The following SLC37A1 variants were observed in gnomAD, a reference collection of about 807,000 sequenced individuals.
SLC37A1 encodes the protein solute carrier family 37 member 1.
A neutral mutation model predicts 75.3 loss-of-function variants in SLC37A1; 49 were observed. That is an observed-to-expected ratio of 0.65 (90% CI 0.52 to 0.83). SLC37A1 has a LOEUF of 0.83. SLC37A1 is among the 40% of genes least tolerant of loss of function. SLC37A1 has a pLI of 0.00. For missense variants in SLC37A1, 566 were observed against 695.0 expected, an observed-to-expected ratio of 0.81 and a Z score of 2.09; for synonymous variants, 268 against 292.1, an observed-to-expected ratio of 0.92 and a Z score of 0.84.
At chr21:42,521,192 C>T (rs900422157) in intron 2 of SLC37A1, among the ~76,000 whole-genome samples, 6 of 152,178 alleles carry the variant, frequency 3.9e-5, no homozygotes, top group African/African-American at 1.4e-4. Context: ...TAGAGGGAAA[C>T]GTAGTGGTTT....
intron 9 of SLC37A1, among the ~76,000 whole-genome samples, chr21:42,551,050 T>A (rs1164175116): frequency 2.0e-5 from 3 of 152,228 alleles, no homozygotes; most frequent in African/African-American, 7.2e-5. Context: ...CTATTTACCA[T>A]TGTAATGCAG....
At chr21:42,558,568 C>T (rs1190997640) in intron 10 of SLC37A1, among the ~76,000 whole-genome samples, 1 of 152,180 alleles carries the variant, frequency 6.6e-6, no homozygotes, top group Non-Finnish European at 1.5e-5. Context: ...TTTAATGTGT[C>T]ATAAGCATTT....
intron 13 of SLC37A1, among the ~76,000 whole-genome samples, 181 bp downstream of exon 13, chr21:42,564,058 G>A (rs189049043): frequency 2.9e-4 from 44 of 152,096 alleles, no homozygotes; most frequent in Non-Finnish European, 5.7e-4. Context: ...CCCTCCCCAG[G>A]GCCCTGACTC....
chr21:42,563,110 C>T lies in SLC37A1; in HGVS notation c.1073-705C>T, dbSNP rs1017082905. 1.4e-4 allele frequency among the ~76,000 whole-genome samples: 22 copies of T among 152,230 alleles called. 1 individual carries two copies. Among genetic ancestry groups the T allele is most frequent in the Admixed American group, 1.2e-3 (19 of 15,302 alleles). On this transcript the variant is annotated intron_variant, in intron 12 of 19. Transcript: ENST00000352133. Reference sequence around the variant, plus strand: ...GTGACTGGGGAGGCAGCAAGGAGCACCCTTGGATCCTGAGGTTCCTTCCCT... The same window carrying T: ...GTGACTGGGGAGGCAGCAAGGAGCATCCTTGGATCCTGAGGTTCCTTCCCT...
At chr21:42,511,772 A>G (rs1286517769), upstream of SLC37A1, among the ~76,000 whole-genome samples, 1 of 152,198 alleles carries the variant, frequency 6.6e-6, no homozygotes, top group Non-Finnish European at 1.5e-5. Flanking sequence ...CAACCTGGGC[A>G]ACAGAACAAG....
chr21:42,574,010 T>G (rs1360476157), intron 17 of SLC37A1, among the ~76,000 whole-genome samples: 1 of 63,116 alleles, frequency 1.6e-5, no homozygotes, highest in Admixed American at 1.9e-4. Context: ...TGGTTCATCA[T>G]GCACCCGTGT....
chr21:42,532,819 G>A (rs1466125211), intron 3 of SLC37A1, among the ~76,000 whole-genome samples: 1 of 152,198 alleles, frequency 6.6e-6, no homozygotes, highest in Non-Finnish European at 1.5e-5. Context: ...CCTCCAGGGA[G>A]GACCAGCTCT....
rs1436911314 is a variant in SLC37A1 at position 42,543,336 on chromosome 21, C to T, written c.564-100C>T. On this transcript the variant is annotated intron_variant, in intron 7 of 19. Coordinates refer to ENST00000352133, the MANE Select transcript of SLC37A1 (RefSeq NM_001320537.2). ...TCTGCATGGCCCCCCGTTGATTCTG[C>T]GCCGACTCCCTACTTTGCAGGCACT... 9.0e-5 allele frequency: 124 copies of T among 1,384,650 alleles called. No homozygotes were observed. The South Asian group carries it at 1.2e-3, about 14-fold the overall frequency. 85.8% of individuals were successfully genotyped at this position (1,384,650 alleles called of 1,614,324 possible). A position where few individuals can be genotyped will look rare whatever the true frequency, so the allele number is the denominator to read the frequency against.
In SLC37A1 at chr21:42,503,245, C is replaced by G. The variant is rs527715569; in HGVS notation, c.-179+828C>G. On this transcript the variant is annotated intron_variant, in intron 2 of 20. Transcript: ENST00000398341. ...AGGGGTATTACTTAAGGAAATTATA[C>G]TCCTTTTTTTTTTTTTTTTTTTGAG... Among the ~76,000 whole-genome samples the G allele has an allele frequency of 2.2e-5, 3 of 134,360 alleles. No individual in the cohort carries two copies. In the South Asian group the frequency reaches 6.9e-4, roughly 31 times the overall value. 88.1% of individuals were successfully genotyped at this position (134,360 alleles called of 152,430 possible).
chr21:42,566,996 C>T lies in SLC37A1; in HGVS notation c.1282C>T (p.Leu428Phe), dbSNP rs1371002955. ...TCTGCCTCCCACAGCCATGCTGCTG[C>T]TCAGCGGAGCCCTGGTCAGTGGGCC... ...GLEATIAMLL[L>F]SGALVSGPYT... The change falls in exon 16 of 20, where the codon CTC becomes TTC. Residue 428 changes from leucine (L) to phenylalanine (F), a missense_variant. Physicochemically the swap from Leu to Phe is conservative, Grantham distance 22 (BLOSUM62 0). Transcript: ENST00000352133. The T allele has an allele frequency of 1.2e-6, 2 of 1,607,526 alleles. No homozygotes were observed. Among genetic ancestry groups the T allele is most frequent in the African/African-American group, 2.7e-5 (2 of 74,932 alleles).
At chr21:42,518,626 C>A (rs762505734) in intron 2 of SLC37A1, 116 bp downstream of exon 2, 2 of 1,172,646 alleles carry the variant, frequency 1.7e-6, no homozygotes, top group Non-Finnish European at 2.5e-6. Context: ...GAATCACTGA[C>A]CTCACCCATA....
intron 3 of SLC37A1, among the ~76,000 whole-genome samples, chr21:42,528,992 T>A (rs1475973116): frequency 6.6e-6 from 1 of 152,212 alleles, no homozygotes; most frequent in Non-Finnish European, 1.5e-5. Flanking sequence ...TAGCAGGGTT[T>A]TTTTTAATTG....
At chr21:42,543,715 C>T (rs1011164593) in intron 8 of SLC37A1, 113 bp downstream of exon 8, 40 of 1,076,498 alleles carry the variant, frequency 3.7e-5, no homozygotes, top group African/African-American at 3.2e-4. Flanking sequence ...CCTGTTTGCC[C>T]GTGGCTGCCT....
chr21:42,569,686 C>T (rs952633182), intron 17 of SLC37A1, among the ~76,000 whole-genome samples: 3 of 152,276 alleles, frequency 2.0e-5, no homozygotes, highest in Admixed American at 6.5e-5. Flanking sequence ...TTCTCTGGAG[C>T]GCTCTCCCCA....
chr21:42,579,941 C>T (rs1332014359), intron 19 of SLC37A1, 141 bp downstream of exon 19: 4 of 758,996 alleles, frequency 5.3e-6, no homozygotes, highest in African/African-American at 5.2e-5. Context: ...CCTTCACTCT[C>T]ACTTTTTCTT....
At position 42,543,381 on chromosome 21, in the gene SLC37A1, G is replaced by T. The variant is rs769037933; in HGVS notation, c.564-55G>T. On this transcript the variant is annotated intron_variant, in intron 7 of 19. Coordinates refer to ENST00000352133, the MANE Select transcript of SLC37A1 (RefSeq NM_001320537.2). ...GGCACTGCTGCGCCCTGCACTGCTG[G>T]ACTCGTTTCAGCTTCTCAGCTCCAT... The T allele has an allele frequency of 2.5e-6, 4 of 1,608,792 alleles. No individual in the cohort carries two copies. In the East Asian group the frequency reaches 6.7e-5, roughly 27 times the overall value.
Position 42,578,329 on chromosome 21 carries a change from G to A in SLC37A1, c.1522-1407G>A, listed in dbSNP as rs77502855. 6.8e-3 allele frequency among the ~76,000 whole-genome samples: 1,032 copies of A among 152,326 alleles called. 11 individuals carry two copies. Among genetic ancestry groups the A allele is most frequent in the African/African-American group, 0.023 (968 of 41,580 alleles). On this transcript the variant is annotated intron_variant, in intron 18 of 19. Coordinates refer to ENST00000352133, the MANE Select transcript of SLC37A1 (RefSeq NM_001320537.2). ...ATTCTTGCATGCGTGAGCCAAACAC[G>A]TGGGCATGTTTTGAAATTGGATCTC... is the stretch of plus-strand genomic sequence containing the variant.
intron 2 of SLC37A1, among the ~76,000 whole-genome samples, chr21:42,521,273 T>A (rs143270721): frequency 1.4e-4 from 21 of 152,340 alleles, no homozygotes; most frequent in African/African-American, 5.0e-4. Flanking sequence ...CTCCTGCACC[T>A]TCTGACGGGA....
At chr21:42,555,934 G>A (rs1368536845) in intron 10 of SLC37A1, among the ~76,000 whole-genome samples, 3 of 152,210 alleles carry the variant, frequency 2.0e-5, no homozygotes, top group Admixed American at 6.5e-5. Flanking sequence ...CAGGGTAGGC[G>A]GGGAGAGTCC....
Sources: allele counts gnomAD v4.1 joint callset (sites outside exome capture counted in the v4.1 genomes callset), GRCh38; gene constraint gnomAD v4.1.1; transcripts MANE v1.5; gene names NCBI Gene and HGNC (gene_info 2026-07-23, HGNC 2026-07-21).